Variants in RIMS2 observed in about 807,000 individuals in gnomAD.
RIMS2 encodes the protein regulating synaptic membrane exocytosis protein 2.
A neutral mutation model predicts 174.4 loss-of-function variants in RIMS2; 59 were observed. That is an observed-to-expected ratio of 0.34 (90% confidence interval 0.27 to 0.42). The LOEUF is 0.42. Among genes scored for constraint, RIMS2 ranks in the 10% least tolerant of loss-of-function variants. The pLI is 1.00. For missense variants in RIMS2, 1,620 were observed against 1,666.3 expected, an observed-to-expected ratio of 0.97 and a Z score of 0.48; for synonymous variants, 606 against 572.5, an observed-to-expected ratio of 1.06 and a Z score of -0.84.
chr8:103,590,286 C>T (rs900585255), intron 1 of RIMS2, among the ~76,000 whole-genome samples: 3 of 151,260 alleles, frequency 2.0e-5, no homozygotes, highest in African/African-American at 7.3e-5. Context: ...ACTGTTAGAA[C>T]TTTTAAACAA....
At chr8:103,781,672 C>T (rs2098389698) in intron 3 of RIMS2, among the ~76,000 whole-genome samples, 1 of 149,926 alleles carries the variant, frequency 6.7e-6, no homozygotes, top group African/African-American at 2.5e-5. Context: ...TAAGACTCCT[C>T]AGTTCTTGAA....
In RIMS2 at chr8:103,874,573, C is replaced by G. The variant is rs1168566134; in HGVS notation, c.699-10725C>G. ...TTAGAGAATAGATTTAAATTAAAGGCTAAACAAGTAATTTCACAGTGTGAA... is the reference window on the plus strand; with the variant it reads ...TTAGAGAATAGATTTAAATTAAAGGGTAAACAAGTAATTTCACAGTGTGAA... On this transcript the variant is annotated intron_variant, in intron 3 of 23. Coordinates refer to ENST00000504942, the Ensembl canonical transcript of RIMS2. Among the ~76,000 whole-genome samples the G allele has an allele frequency of 2.6e-5, 4 of 152,006 alleles. No individual in the cohort carries two copies. The South Asian group carries it at 8.3e-4, about 32-fold the overall frequency.
exon 24 of RIMS2, chr8:104,251,731 C>G (rs1468860237): frequency 4.2e-5 from 68 of 1,611,860 alleles, no homozygotes; most frequent in Non-Finnish European, 5.5e-5. Flanking sequence ...ACCTTCCTCC[C>G]TAGTAGATCC....
intron 2 of RIMS2, among the ~76,000 whole-genome samples, chr8:103,738,469 T>C: frequency 6.6e-6 from 1 of 152,186 alleles, no homozygotes; most frequent in Non-Finnish European, 1.5e-5. Flanking sequence ...GACACAGGCA[T>C]GGACAAGGAC....
chr8:104,068,653 CAT>C, intron 19 of RIMS2, 41 bp downstream of exon 23: 1 of 973,636 alleles, frequency 1.0e-6, no homozygotes, highest in Non-Finnish European at 1.6e-6. Flanking sequence ...AATAATCAAT[CAT>C]ATGAAACAGT....
intron 2 of RIMS2, among the ~76,000 whole-genome samples, chr8:103,706,884 T>A (rs918653810): frequency 1.3e-5 from 2 of 152,142 alleles, no homozygotes; most frequent in African/African-American, 2.4e-5. Flanking sequence ...TTTTACCCAA[T>A]CTCTTTGTCA....
chr8:104,161,642 G>A (rs978228161), intron 19 of RIMS2, among the ~76,000 whole-genome samples: 5 of 152,140 alleles, frequency 3.3e-5, no homozygotes, highest in South Asian at 2.1e-4. Flanking sequence ...TATTGAGGCC[G>A]TAACCCATTA....
At chr8:103,875,108 AAG>A (rs2154514675) in intron 3 of RIMS2, among the ~76,000 whole-genome samples, 1 of 152,158 alleles carries the variant, frequency 6.6e-6, no homozygotes, top group African/African-American at 2.4e-5. Context: ...AATTATTAAA[AAG>A]AGATTAAATT....
At chr8:103,780,460 G>T (rs946944192) in intron 3 of RIMS2, among the ~76,000 whole-genome samples, 1 of 151,608 alleles carries the variant, frequency 6.6e-6, no homozygotes, top group African/African-American at 2.4e-5. Flanking sequence ...TCCTCTGATC[G>T]TATTTTCAAA....
At chr8:103,769,931 A>G (rs963759277) in intron 3 of RIMS2, among the ~76,000 whole-genome samples, 1 of 152,230 alleles carries the variant, frequency 6.6e-6, no homozygotes, top group Non-Finnish European at 1.5e-5. Flanking sequence ...AAGAAGTTAG[A>G]GTTTAATATC....
intron 1 of RIMS2, among the ~76,000 whole-genome samples, chr8:103,600,315 G>T (rs557838535): frequency 6.6e-6 from 1 of 150,902 alleles, no homozygotes; most frequent in East Asian, 1.9e-4. Context: ...TGTCACCCAG[G>T]CTGGAGTGCA....
chr8:103,874,203 AT>A (rs1240847997), intron 3 of RIMS2, among the ~76,000 whole-genome samples: 1 of 152,082 alleles, frequency 6.6e-6, no homozygotes, highest in Non-Finnish European at 1.5e-5. Flanking sequence ...TCATGAAACA[AT>A]AAATCTATGT....
intron 1 of RIMS2, among the ~76,000 whole-genome samples, chr8:103,638,149 T>A (rs985446499): frequency 1.6e-4 from 24 of 152,126 alleles, no homozygotes; most frequent in African/African-American, 5.5e-4. Context: ...TATTTTCTAT[T>A]GGTTGCAAGT....
At chr8:103,885,171 CT>C in intron 3 of RIMS2, 126 bp from the exon 7 acceptor site, 1 of 1,330,234 alleles carries the variant, frequency 7.5e-7, no homozygotes, top group Non-Finnish European at 9.9e-7. Flanking sequence ...TACGCTATGC[CT>C]TTAAAATGAA....
At chr8:103,851,772 A>G (rs1462915921) in intron 3 of RIMS2, among the ~76,000 whole-genome samples, 3 of 151,918 alleles carry the variant, frequency 2.0e-5, no homozygotes, top group Non-Finnish European at 2.9e-5. Flanking sequence ...ATGTGCACTG[A>G]TAAGCAAAAT....
intron 19 of RIMS2, among the ~76,000 whole-genome samples, chr8:104,200,547 A>C (rs780737171): frequency 2.6e-5 from 4 of 152,178 alleles, no homozygotes; most frequent in Non-Finnish European, 5.9e-5. Context: ...AAAAGAAAGA[A>C]TACTTAACAT....
intron 4 of RIMS2, among the ~76,000 whole-genome samples, chr8:103,888,846 T>G (rs368063308): frequency 2.0e-4 from 30 of 151,806 alleles, no homozygotes; most frequent in African/African-American, 6.5e-4. Flanking sequence ...CTCTTGAAGA[T>G]AGGCCTCTGT....
At chr8:104,111,148 A>G (rs1241805765) in intron 19 of RIMS2, among the ~76,000 whole-genome samples, 1 of 152,178 alleles carries the variant, frequency 6.6e-6, no homozygotes, top group Non-Finnish European at 1.5e-5. Flanking sequence ...TCAAGTAAGG[A>G]TTAACAAATC....
At chr8:104,119,312 G>T (rs2098335350) in intron 19 of RIMS2, among the ~76,000 whole-genome samples, 1 of 151,902 alleles carries the variant, frequency 6.6e-6, no homozygotes, top group Non-Finnish European at 1.5e-5. Flanking sequence ...AGTGAGCCGA[G>T]ATCGCGCCAT....
Sources: gnomAD v4.1 joint callset for allele counts (sites outside exome capture counted in the v4.1 genomes callset) on GRCh38, gnomAD v4.1.1 for gene constraint, MANE v1.5 for transcripts, NCBI Gene and HGNC (gene_info 2026-07-23, HGNC 2026-07-21) for gene names.